IMMP1L: variants seen among roughly 807,000 people sequenced by gnomAD.
The protein encoded by IMMP1L is mitochondrial inner membrane protease subunit 1.
In IMMP1L, 24 loss-of-function variants were observed where a neutral mutation model predicts 21.8. The observed-to-expected ratio is 1.10, with a 90% CI of 0.80 to 1.55. The LOEUF (loss-of-function observed/expected upper bound fraction) is 1.55, where lower values mean the gene tolerates loss of function less well. Among genes scored for constraint, IMMP1L ranks in the 40% most tolerant of loss-of-function variants. The pLI is 0.00. For missense variants in IMMP1L, 195 were observed against 200.7 expected (o/e 0.97, Z 0.17); for synonymous variants, 46 against 62.8 (o/e 0.73, Z 1.26).
At chr11:31,478,640 A>C (rs547801640) in intron 1 of IMMP1L, among the ~76,000 whole-genome samples, 1 of 152,316 alleles carries the variant, frequency 6.6e-6, no homozygotes, top group South Asian at 2.1e-4. Context: ...TAATAACTAA[A>C]AATGATATTA....
chr11:31,478,523 G>C (rs1466445474), intron 1 of IMMP1L, among the ~76,000 whole-genome samples: 1 of 152,078 alleles, frequency 6.6e-6, no homozygotes, highest in Non-Finnish European at 1.5e-5. Context: ...AGAAACTAGA[G>C]GTATTGTTTA....
chr11:31,465,886 A>G (rs111636353), intron 1 of IMMP1L, among the ~76,000 whole-genome samples: 44 of 152,216 alleles, frequency 2.9e-4, no homozygotes, highest in African/African-American at 1.1e-3. Context: ...TTTTATGGCT[A>G]AGAAATCAAA....
chr11:31,443,913 T>C (rs1953425056), intron 4 of IMMP1L, among the ~76,000 whole-genome samples: 1 of 152,198 alleles, frequency 6.6e-6, no homozygotes, highest in Admixed American at 6.5e-5. Context: ...TCTCTTTCGT[T>C]ATTGAGCTTC....
chr11:31,509,197 G>C (rs1955907047), intron 1 of IMMP1L, among the ~76,000 whole-genome samples: 1 of 152,180 alleles, frequency 6.6e-6, no homozygotes. Flanking sequence ...TCGCTCTAAG[G>C]TTTAATTCCA....
At chr11:31,491,855 G>A (rs950861138) in intron 1 of IMMP1L, among the ~76,000 whole-genome samples, 2 of 152,142 alleles carry the variant, frequency 1.3e-5, no homozygotes, top group African/African-American at 2.4e-5. Flanking sequence ...AGATCCTCTA[G>A]ACATACATGG....
chr11:31,473,513 A>T (rs1954635970), intron 1 of IMMP1L, among the ~76,000 whole-genome samples: 1 of 152,208 alleles, frequency 6.6e-6, no homozygotes, highest in South Asian at 2.1e-4. Context: ...AAATGAAAAA[A>T]TTTTTGGATA....
chr11:31,448,558 C>A lies in IMMP1L; in HGVS notation c.321+7702G>T, dbSNP rs188077078. Among the ~76,000 whole-genome samples the A allele has an allele frequency of 8.1e-4, 124 of 152,218 alleles. 1 individual carries two copies. The highest frequency in any genetic ancestry group is 1.5e-3 in the Non-Finnish European group (105 of 68,016). On this transcript the variant is annotated intron_variant, in intron 4 of 5. Transcript: ENST00000532287. ...TTTCATTTTACTCAACTGTATCCTG[C>A]CTCTCTAGATTCATACCAATAGCAC... is the stretch of plus-strand genomic sequence containing the variant.
chr11:31,453,964 T>C (rs531875196), intron 4 of IMMP1L, among the ~76,000 whole-genome samples: 76 of 152,306 alleles, frequency 5.0e-4, no homozygotes, highest in Non-Finnish European at 8.2e-4. Flanking sequence ...TAATTCTTCC[T>C]CTCACTGTTC....
chr11:31,473,819 C>A, intron 1 of IMMP1L: 2 of 862,272 alleles, frequency 2.3e-6, no homozygotes, highest in South Asian at 5.3e-5. Flanking sequence ...GTTTCAGAAA[C>A]AGGAAAAATA....
chr11:31,434,830 C>T (rs928442953), intron 4 of IMMP1L, among the ~76,000 whole-genome samples: 2 of 152,116 alleles, frequency 1.3e-5, no homozygotes, highest in African/African-American at 4.8e-5. Context: ...TGATCATTCA[C>T]TTTTATTACT....
rs1952944406 is a variant in IMMP1L, at chr11:31,432,571, G to A, written c.433-3C>T. The A allele has an allele frequency of 6.2e-7, 1 of 1,606,604 alleles. No individual in the cohort carries two copies. The highest frequency in any genetic ancestry group is 1.7e-5 in the Admixed American group (1 of 59,962). On this transcript the variant is annotated splice_region_variant and splice_polypyrimidine_tract_variant and intron_variant, in intron 5 of 5. Transcript: ENST00000532287. ...CCAAAATCACTCAGAGGCCAAATCT[G>A]TAAAATCAAAATGAGGTTGAAGACA...
chr11:31,499,140 G>A (rs959515089), intron 1 of IMMP1L, among the ~76,000 whole-genome samples: 5 of 152,188 alleles, frequency 3.3e-5, no homozygotes, highest in South Asian at 2.1e-4. Flanking sequence ...CAAGGTGCAC[G>A]GATCACGAGG....
chr11:31,481,639 T>C (rs533846325), intron 1 of IMMP1L, among the ~76,000 whole-genome samples: 143 of 151,940 alleles, frequency 9.4e-4, no homozygotes, highest in Non-Finnish European at 1.8e-3. Flanking sequence ...TCATAGCCCA[T>C]AATCAGAACA....
Position 31,470,010 on chromosome 11 carries a change from A to C in IMMP1L, c.-29-6705T>G, listed in dbSNP as rs74747828. 1.9e-3 allele frequency among the ~76,000 whole-genome samples: 283 copies of C among 152,376 alleles called. 6 individuals are homozygous for C. In the East Asian group the frequency reaches 0.046, roughly 25 times the overall value. ...ATATACCTCAAAAGCTAAAGAAAAA[A>C]ATAAAAACACTTTTAGAAAACAAGT... On this transcript the variant is annotated intron_variant, in intron 1 of 5. Coordinates refer to ENST00000532287, the MANE Select transcript of IMMP1L (RefSeq NM_001304274.2).
intron 1 of IMMP1L, among the ~76,000 whole-genome samples, chr11:31,485,538 T>C (rs1276577011): frequency 1.3e-5 from 2 of 151,844 alleles, no homozygotes; most frequent in Non-Finnish European, 3.0e-5. Context: ...GATACCAAAA[T>C]GAATTTTAAA....
chr11:31,445,793 G>T (rs980922141), intron 4 of IMMP1L, among the ~76,000 whole-genome samples: 1 of 151,492 alleles, frequency 6.6e-6, no homozygotes, highest in African/African-American at 2.4e-5. Context: ...GGCACGAGAC[G>T]GATGGCATTT....
intron 1 of IMMP1L, among the ~76,000 whole-genome samples, chr11:31,467,610 G>A (rs971236278): frequency 6.6e-6 from 1 of 152,006 alleles, no homozygotes; most frequent in Non-Finnish European, 1.5e-5. Context: ...CATGTGTTGG[G>A]AATAGGGAAA....
At chr11:31,452,987 G>T in intron 4 of IMMP1L, 1 of 981,188 alleles carries the variant, frequency 1.0e-6, no homozygotes, top group Non-Finnish European at 1.4e-6. Context: ...CTTGACCTCA[G>T]GTGATCTGCC....
chr11:31,456,322 C>G lies in IMMP1L; in HGVS notation c.259G>C (p.Gly87Arg). 6.2e-7 allele frequency: 1 copy of G among 1,607,982 alleles called. No individual in the cohort carries two copies. Among genetic ancestry groups the G allele is most frequent in the Non-Finnish European group, 8.5e-7 (1 of 1,175,032 alleles). Residue 87 changes from glycine (G) to arginine (R), a missense_variant, in exon 4 of 6, where the codon GGT becomes CGT. Physicochemically the swap from Gly to Arg is moderately radical, Grantham distance 125. Transcript: ENST00000532287. Reference sequence around the variant, plus strand: ...GTGAGGATTTTGTCTCCTTCCAAACCAATTACTCTTTTACAAATATTTGAT... The same window carrying G: ...GTGAGGATTTTGTCTCCTTCCAAACGAATTACTCTTTTACAAATATTTGAT... Reference protein sequence around the residue: ...PKSNICKRVIGLEGDKILTTS... With the variant: ...PKSNICKRVIRLEGDKILTTS...
Sources: gnomAD v4.1 joint callset for allele counts (sites outside exome capture counted in the v4.1 genomes callset) on GRCh38, gnomAD v4.1.1 for gene constraint, MANE v1.5 for transcripts, NCBI Gene and HGNC (gene_info 2026-07-23, HGNC 2026-07-21) for gene names.